PCLO: variants seen among roughly 807,000 people sequenced by gnomAD.
PCLO encodes piccolo presynaptic cytomatrix protein, also known as protein piccolo.
Under a neutral mutation model 427.5 loss-of-function variants are expected in PCLO, and 82 were observed. That is an observed-to-expected ratio of 0.19 (90% CI 0.16 to 0.23). PCLO has a LOEUF of 0.23. PCLO is among the 10% of genes least tolerant of loss of function. The pLI, the probability that PCLO is intolerant of heterozygous loss-of-function variation, is 1.00. For missense variants in PCLO, 6,239 were observed against 6,115.9 expected (o/e 1.02, Z -0.67); for synonymous variants, 2,357 against 2,155.4 (o/e 1.09, Z -2.59).
At chr7:82,862,138 T>TA (rs143976054) in intron 10 of PCLO, among the ~76,000 whole-genome samples, 7,292 of 151,814 alleles carry the variant, frequency 0.048, 240 homozygotes, top group Non-Finnish European at 0.07. Flanking sequence ...ATCAAAATGA[T>TA]AAAAATACAA....
intron 1 of PCLO, among the ~76,000 whole-genome samples, chr7:83,158,402 T>C (rs1341238641): frequency 6.6e-6 from 1 of 151,936 alleles, no homozygotes; most frequent in Non-Finnish European, 1.5e-5. Context: ...ACCATTCCCT[T>C]GAACAGCACA....
chr7:83,120,977 A>T (rs1791262430), intron 3 of PCLO, among the ~76,000 whole-genome samples: 1 of 152,222 alleles, frequency 6.6e-6, no homozygotes, highest in Admixed American at 6.5e-5. Flanking sequence ...TAAACTACTT[A>T]TAACTTGAGT....
Position 82,952,354 on chromosome 7 carries a change from C to T in PCLO, c.8599G>A (p.Ala2867Thr), listed in dbSNP as rs1348152574. The T allele has an allele frequency of 1.2e-6, 2 of 1,613,724 alleles. No individual in the cohort carries two copies. The highest frequency in any genetic ancestry group is 1.3e-5 in the African/African-American group (1 of 74,902). Reference protein sequence around the residue: ...LGTPAHAVTLAITKPVTVPPV... With the variant: ...LGTPAHAVTLTITKPVTVPPV... Reference sequence around the variant, plus strand: ...GGCACAGTGACAGGTTTTGTAATAGCCAATGTCACTGCATGTGCTGGAGTA... The same window carrying T: ...GGCACAGTGACAGGTTTTGTAATAGTCAATGTCACTGCATGTGCTGGAGTA... The change falls in exon 5 of 25, where the codon GCT (alanine) becomes ACT (threonine). Residue 2867 changes from alanine to threonine, a missense_variant. Ala to Thr is a moderately conservative substitution (Grantham distance 58). Transcript: ENST00000333891.
intron 6 of PCLO, among the ~76,000 whole-genome samples, chr7:82,945,771 T>C (rs1439296221): frequency 6.6e-6 from 1 of 152,090 alleles, no homozygotes. Context: ...ATGAATAAGG[T>C]AATGAGTGAA....
chr7:83,126,625 T>C (rs1448172445), intron 3 of PCLO, among the ~76,000 whole-genome samples: 1 of 151,874 alleles, frequency 6.6e-6, no homozygotes, highest in Non-Finnish European at 1.5e-5. Context: ...AATTTAAAAA[T>C]GAGTGACAGA....
intron 3 of PCLO, among the ~76,000 whole-genome samples, chr7:83,106,528 CTCTTT>C (rs1790861092): frequency 6.6e-6 from 1 of 152,158 alleles, no homozygotes; most frequent in Non-Finnish European, 1.5e-5. Context: ...AATAACTACT[CTCTTT>C]TATTAGCCAT....
At chr7:83,011,373 T>A (rs527382999) in intron 3 of PCLO, among the ~76,000 whole-genome samples, 5 of 152,128 alleles carry the variant, frequency 3.3e-5, no homozygotes, top group Non-Finnish European at 7.4e-5. Context: ...AAGTTTTTTG[T>A]CATTGTTTGA....
chr7:82,981,648 T>C (rs1796149260), intron 3 of PCLO, among the ~76,000 whole-genome samples: 3 of 152,054 alleles, frequency 2.0e-5, no homozygotes, highest in South Asian at 4.1e-4. Context: ...TTTTCTCAGG[T>C]AGTCTGCATA....
Position 82,954,280 on chromosome 7 carries a change from C to T in PCLO, c.6673G>A (p.Glu2225Lys), listed in dbSNP as rs2116445305. 1 of 1,613,568 alleles carries T rather than the reference C, an allele frequency of 6.2e-7. No homozygotes were observed. Among genetic ancestry groups the T allele is most frequent in the Non-Finnish European group, 8.5e-7 (1 of 1,179,662 alleles). The change falls in exon 5 of 25, where the codon GAA (glutamate) becomes AAA (lysine). Residue 2225 changes from glutamate to lysine, a missense_variant. By Grantham distance (56) the Glu-to-Lys change is moderately conservative. Transcript: ENST00000333891. ...DMITKFEDSE[E>K]ISSSTYFPGS... ...GGAAAATAAGTTGATGAAGAAATTT[C>T]CTCAGAATCTTCAAATTTAGTTATC...
At chr7:82,845,185 T>C (rs1201613102) in intron 13 of PCLO, 86 bp downstream of exon 13, 12 of 916,250 alleles carry the variant, frequency 1.3e-5, no homozygotes, top group South Asian at 9.5e-5. Context: ...AAAAATACTT[T>C]AGAAAATGAT....
intron 6 of PCLO, among the ~76,000 whole-genome samples, chr7:82,922,660 T>C (rs1251134436): frequency 6.6e-6 from 1 of 151,778 alleles, no homozygotes; most frequent in East Asian, 1.9e-4. Context: ...GGTGAAGAAA[T>C]AATCTGTAGT....
In PCLO at chr7:82,845,333, C is replaced by G. The variant is rs772352152; in HGVS notation, c.13984G>C (p.Val4662Leu). The part of the protein sequence containing the change: ...SGPTSAGSSS[V>L]PSPGQPGSPS... Reference sequence around the variant, plus strand: ...GACCCTGGTTGCCCAGGGCTGGGAACGGAACTGGATCCTGCTGATGTAGGA... The same window carrying G: ...GACCCTGGTTGCCCAGGGCTGGGAAGGGAACTGGATCCTGCTGATGTAGGA... Residue 4662 changes from valine (V) to leucine (L), a missense_variant, in exon 13 of 25, where the codon GTT becomes CTT. Physicochemically the swap from Val to Leu is conservative, Grantham distance 32. Coordinates refer to ENST00000333891, the MANE Select transcript of PCLO (RefSeq NM_033026.6). 2 of 1,613,514 alleles carry G rather than the reference C, an allele frequency of 1.2e-6. No homozygotes were observed. Among genetic ancestry groups the G allele is most frequent in the Non-Finnish European group, 1.7e-6 (2 of 1,179,662 alleles).
chr7:83,017,531 T>C (rs1034624744), intron 3 of PCLO, among the ~76,000 whole-genome samples: 14 of 151,976 alleles, frequency 9.2e-5, no homozygotes, highest in Admixed American at 2.6e-4. Context: ...GCAGATCACA[T>C]AGGTTCACTG....
chr7:82,952,057 G>A lies in PCLO; in HGVS notation c.8896C>T (p.Arg2966Cys), dbSNP rs1173009964. Residue 2966 changes from arginine (R) to cysteine (C), a missense_variant, in exon 5 of 25, where the codon CGT becomes TGT. Coordinates refer to ENST00000333891, the MANE Select transcript of PCLO (RefSeq NM_033026.6). ...QQPATTLPED[R>C]FGYRDDHYQY... ...TAGTGGTCATCCCTATAACCAAAAC[G>A]ATCCTCAGGAAGAGTAGTTGCAGGC... is the stretch of plus-strand genomic sequence containing the variant. 1.2e-6 allele frequency: 2 copies of A among 1,613,878 alleles called. No homozygotes were observed. Among genetic ancestry groups the A allele is most frequent in the East Asian group, 2.2e-5 (1 of 44,878 alleles).
At chr7:82,985,662 A>C (rs1344663350) in intron 3 of PCLO, among the ~76,000 whole-genome samples, 2 of 151,950 alleles carry the variant, frequency 1.3e-5, no homozygotes, top group African/African-American at 4.8e-5. Context: ...AATTGGCATG[A>C]ATCCAAAGCT....
At chr7:82,820,946 T>C (rs1791776344) in intron 20 of PCLO, 1 of 1,229,252 alleles carries the variant, frequency 8.1e-7, no homozygotes, top group African/African-American at 1.6e-5. Context: ...GGGACTGATC[T>C]TGGGACTTAC....
rs1238126985 is a variant in PCLO, at chr7:82,953,722, G to T, written c.7231C>A (p.Pro2411Thr). 89 of 1,201,096 alleles carry T rather than the reference G, an allele frequency of 7.4e-5. No individual in the cohort carries two copies. Among genetic ancestry groups the T allele is most frequent in the Non-Finnish European group, 9.9e-5 (86 of 868,530 alleles). 74.4% of individuals were successfully genotyped at this position (1,201,096 alleles called of 1,614,324 possible). The change falls in exon 5 of 25, where the codon CCT becomes ACT. Residue 2411 changes from proline (P) to threonine (T), a missense_variant. Transcript: ENST00000333891. ...GGTGGAGGAGGAGGAGGAGGGGGAG[G>T]GGGAGGAGGGGGAGGAGGTTGAGCT... The part of the protein sequence containing the change: ...ISAQPPPPPP[P>T]PPPPPPPPPP...
intron 3 of PCLO, among the ~76,000 whole-genome samples, chr7:83,124,726 G>A (rs889638811): frequency 4.6e-5 from 7 of 152,010 alleles, no homozygotes; most frequent in Admixed American, 6.6e-5. Flanking sequence ...CTCCCTCTCC[G>A]TCGTCTCCAT....
chr7:82,822,714 A>C, intron 19 of PCLO, 25 bp from the exon 20 acceptor site: 3 of 1,603,626 alleles, frequency 1.9e-6, no homozygotes, highest in Non-Finnish European at 2.6e-6. Flanking sequence ...GTAAAACATG[A>C]GTTAAAGTTG....
Sources: allele counts gnomAD v4.1 joint callset (sites outside exome capture counted in the v4.1 genomes callset), GRCh38; gene constraint gnomAD v4.1.1; transcripts MANE v1.5; gene names NCBI Gene and HGNC (gene_info 2026-07-23, HGNC 2026-07-21).